WDR41: variants seen among roughly 807,000 people sequenced by gnomAD.
The protein encoded by WDR41 is WD repeat-containing protein 41.
WDR41 carries 63 observed loss-of-function variants against 69.3 expected under a neutral mutation model. The observed-to-expected ratio is 0.91, with a 90% CI of 0.74 to 1.12. WDR41 has a LOEUF of 1.12. WDR41 is among the 50% of genes most tolerant of loss of function. The pLI is 0.00. For synonymous variants in WDR41, 185 were observed against 192.1 expected, an observed-to-expected ratio of 0.96 and a Z score of 0.31; for missense variants, 543 against 534.5, an observed-to-expected ratio of 1.02 and a Z score of -0.16.
intron 1 of WDR41, among the ~76,000 whole-genome samples, chr5:77,543,028 T>C (rs771266014): frequency 1.7e-4 from 26 of 152,172 alleles, no homozygotes; most frequent in Non-Finnish European, 3.2e-4. Context: ...GTAGACTTGC[T>C]GGATGGCTAG....
At chr5:77,458,363 G>A (rs1799914921) in intron 5 of WDR41, among the ~76,000 whole-genome samples, 1 of 152,004 alleles carries the variant, frequency 6.6e-6, no homozygotes. Flanking sequence ...AGAAAAAAAA[G>A]AAAAGAGCTC....
chr5:77,559,578 A>G lies in WDR41; in HGVS notation c.42+60901T>C, dbSNP rs1457563369. Among the ~76,000 whole-genome samples the G allele has an allele frequency of 2.0e-5, 3 of 151,780 alleles. No individual in the cohort carries two copies. The East Asian group carries it at 5.8e-4, about 29-fold the overall frequency. ...TTTTATATAATGTTGTTATATAAAT[A>G]TAATGTTGATGTATACATAACATAT... On this transcript the variant is annotated intron_variant, in intron 1 of 5. Transcript: ENST00000509971.
At chr5:77,605,996 T>C (rs759284185) in intron 1 of WDR41, among the ~76,000 whole-genome samples, 47 of 152,100 alleles carry the variant, frequency 3.1e-4, no homozygotes, top group South Asian at 1.9e-3. Flanking sequence ...TGTTAAGAAA[T>C]GGTATGGTCA....
At chr5:77,495,194 A>G (rs1483768504), upstream of WDR41, among the ~76,000 whole-genome samples, 1 of 152,078 alleles carries the variant, frequency 6.6e-6, no homozygotes. Flanking sequence ...TCTAAAATCA[A>G]TAACCTGACT....
chr5:77,440,727 G>A, intron 9 of WDR41, 86 bp downstream of exon 9: 5 of 1,309,614 alleles, frequency 3.8e-6, no homozygotes, highest in Non-Finnish European at 4.2e-6. Flanking sequence ...CCTTTTTTAT[G>A]TCCAACATGG....
At chr5:77,603,225 T>C (rs1215995836) in intron 1 of WDR41, among the ~76,000 whole-genome samples, 1 of 152,152 alleles carries the variant, frequency 6.6e-6, no homozygotes, top group East Asian at 1.9e-4. Context: ...CATGAGCCAC[T>C]GCGCCCAGCC....
chr5:77,519,513 T>C (rs1236642439), intron 1 of WDR41, among the ~76,000 whole-genome samples: 1 of 152,012 alleles, frequency 6.6e-6, no homozygotes, highest in African/African-American at 2.4e-5. Context: ...TAACAAAATA[T>C]ACTAAGAGTT....
intron 1 of WDR41, among the ~76,000 whole-genome samples, chr5:77,533,793 C>T (rs1742908969): frequency 6.6e-6 from 1 of 152,108 alleles, no homozygotes. Context: ...GGGGCCCCTT[C>T]ATATCCTTAA....
At chr5:77,481,254 C>T (rs541633871) in intron 2 of WDR41, among the ~76,000 whole-genome samples, 3 of 151,968 alleles carry the variant, frequency 2.0e-5, no homozygotes, top group Non-Finnish European at 4.4e-5. Context: ...GTGATCCACC[C>T]GCCTTGGCCT....
intron 1 of WDR41, among the ~76,000 whole-genome samples, chr5:77,544,074 G>A (rs1351876319): frequency 1.3e-5 from 2 of 152,008 alleles, no homozygotes; most frequent in Non-Finnish European, 2.9e-5. Flanking sequence ...TGAAGAAAAG[G>A]TACAGTCTTT....
At chr5:77,472,891 G>C (rs1312253255) in intron 2 of WDR41, among the ~76,000 whole-genome samples, 1 of 152,082 alleles carries the variant, frequency 6.6e-6, no homozygotes, top group Non-Finnish European at 1.5e-5. Context: ...AGCTACCAAT[G>C]ACTTTCTTCA....
At chr5:77,520,096 G>A (rs1363021976) in intron 1 of WDR41, among the ~76,000 whole-genome samples, 2 of 152,032 alleles carry the variant, frequency 1.3e-5, no homozygotes, top group Admixed American at 6.6e-5. Flanking sequence ...AGAATGCCAC[G>A]ATGATCATGT....
At chr5:77,467,343 C>T (rs946836816) in intron 2 of WDR41, among the ~76,000 whole-genome samples, 1 of 151,880 alleles carries the variant, frequency 6.6e-6, no homozygotes, top group South Asian at 2.1e-4. Flanking sequence ...CAGTGTGATT[C>T]CGTGCTAGGA....
Position 77,613,375 on chromosome 5 carries a change from T to C in WDR41, c.42+7104A>G, listed in dbSNP as rs915370039. Among the ~76,000 whole-genome samples the C allele has an allele frequency of 1.8e-4, 28 of 152,162 alleles. No individual in the cohort carries two copies. In the South Asian group the frequency reaches 3.3e-3, roughly 18 times the overall value. On this transcript the variant is annotated intron_variant, in intron 1 of 5. Coordinates refer to the WDR41 transcript ENST00000509971. ...CAAAAGAACAAAGCTGGAGGCATCA[T>C]GCTACCTGACTTCAAACTATACTAC...
At chr5:77,438,091 G>C in intron 10 of WDR41, 149 bp downstream of exon 10, 1 of 1,122,920 alleles carries the variant, frequency 8.9e-7, no homozygotes, top group Non-Finnish European at 1.3e-6. Flanking sequence ...CCTTCTGTTA[G>C]AGACAGCCCT....
At chr5:77,486,673 C>T (rs1478362512) in intron 2 of WDR41, among the ~76,000 whole-genome samples, 1 of 152,188 alleles carries the variant, frequency 6.6e-6, no homozygotes, top group African/African-American at 2.4e-5. Context: ...AGGGAGACCA[C>T]AGTCATTTCA....
chr5:77,493,817 A>G (rs1801893780), upstream of WDR41, among the ~76,000 whole-genome samples: 1 of 152,154 alleles, frequency 6.6e-6, no homozygotes, highest in Non-Finnish European at 1.5e-5. Flanking sequence ...GATTATCCAC[A>G]TTCTTTAGGG....
intron 7 of WDR41, 85 bp from the exon 8 acceptor site, chr5:77,449,955 T>A: frequency 1.1e-6 from 1 of 938,812 alleles, no homozygotes; most frequent in Non-Finnish European, 1.6e-6. Flanking sequence ...AGCATTTCAT[T>A]AAGTGAAAAA....
At chr5:77,474,020 G>T (rs1800763422) in intron 2 of WDR41, among the ~76,000 whole-genome samples, 1 of 152,098 alleles carries the variant, frequency 6.6e-6, no homozygotes, top group Non-Finnish European at 1.5e-5. Context: ...CAATAGCAAA[G>T]ACTTGGAACC....
Sources: allele counts gnomAD v4.1 joint callset (sites outside exome capture counted in the v4.1 genomes callset), GRCh38; gene constraint gnomAD v4.1.1; transcripts MANE v1.5; gene names NCBI Gene and HGNC (gene_info 2026-07-23, HGNC 2026-07-21).